Variants in NEK1 observed in about 807,000 individuals in gnomAD.
The protein encoded by NEK1 is NIMA related kinase 1.
NEK1 carries 137 observed loss-of-function variants against 182.1 expected under a neutral mutation model. That is an observed-to-expected ratio of 0.75 (90% CI 0.65 to 0.87). The LOEUF (loss-of-function observed/expected upper bound fraction) is 0.87. Among genes scored for constraint, NEK1 ranks in the 40% least tolerant of loss-of-function variants. The probability of loss-of-function intolerance (pLI) is 0.00; values close to 1 mark genes in which losing one functional copy is unlikely to be tolerated. For missense variants in NEK1, 1,391 were observed against 1,494.4 expected, an observed-to-expected ratio of 0.93 and a Z score of 1.14; for synonymous variants, 513 against 492.2, an observed-to-expected ratio of 1.04 and a Z score of -0.56.
At chr4:169,404,239 CAA>C (rs1732193914) in intron 32 of NEK1, among the ~76,000 whole-genome samples, 1 of 151,938 alleles carries the variant, frequency 6.6e-6, no homozygotes, top group South Asian at 2.1e-4. Context: ...AATAAAAACA[CAA>C]TATTTCAGTG....
chr4:169,554,977 T>C (rs1198610257), intron 18 of NEK1: 1 of 152,214 alleles, frequency 6.6e-6, no homozygotes, highest in Non-Finnish European at 1.5e-5. Context: ...TAAAGTTTAC[T>C]AATTAAACAA....
intron 4 of NEK1, among the ~76,000 whole-genome samples, chr4:169,600,255 T>C (rs1045899409): frequency 3.3e-5 from 5 of 152,128 alleles, no homozygotes; most frequent in Non-Finnish European, 5.9e-5. Context: ...AATGGCACGA[T>C]GATGGCTCAC....
intron 27 of NEK1, among the ~76,000 whole-genome samples, chr4:169,439,845 C>CTTTTTTTTTTTTTTTTT (rs33985502): frequency 1.7e-5 from 2 of 116,384 alleles, no homozygotes; most frequent in African/African-American, 3.4e-5. Context: ...GTTAGGGTAT[C>CTTTTTTTTTTTTTTTTT]TTTTTTTTTT....
intron 18 of NEK1, among the ~76,000 whole-genome samples, chr4:169,546,566 T>A (rs893138886): frequency 6.6e-6 from 1 of 152,088 alleles, no homozygotes; most frequent in Non-Finnish European, 1.5e-5. Context: ...TGATCTAATA[T>A]TGACAGTGGG....
At chr4:169,535,840 A>G (rs1355658200) in intron 19 of NEK1, among the ~76,000 whole-genome samples, 3 of 149,340 alleles carry the variant, frequency 2.0e-5, no homozygotes, top group African/African-American at 7.4e-5. Flanking sequence ...AGACTGCGCC[A>G]CTGCATTCCA....
At chr4:169,450,043 A>C (rs1741398021) in intron 27 of NEK1, among the ~76,000 whole-genome samples, 1 of 152,220 alleles carries the variant, frequency 6.6e-6, no homozygotes, top group African/African-American at 2.4e-5. Flanking sequence ...CATGAGCTTA[A>C]ATAGCTGATT....
intron 19 of NEK1, among the ~76,000 whole-genome samples, chr4:169,515,179 C>G (rs989461170): frequency 6.6e-6 from 1 of 152,008 alleles, no homozygotes; most frequent in African/African-American, 2.4e-5. Flanking sequence ...CCACTGTTCT[C>G]TATATTTGTA....
At chr4:169,536,071 G>A (rs969933136) in intron 19 of NEK1, among the ~76,000 whole-genome samples, 2 of 151,752 alleles carry the variant, frequency 1.3e-5, no homozygotes, top group Non-Finnish European at 2.9e-5. Context: ...AAGGCAGATG[G>A]ATCACCTGAG....
chr4:169,415,031 C>A (rs545096518), intron 31 of NEK1, among the ~76,000 whole-genome samples: 141 of 152,290 alleles, frequency 9.3e-4, no homozygotes, highest in Non-Finnish European at 1.8e-3. Flanking sequence ...AAGTTATCAA[C>A]CAACAACATA....
At chr4:169,431,622 A>G (rs1737455556) in intron 29 of NEK1, among the ~76,000 whole-genome samples, 1 of 152,106 alleles carries the variant, frequency 6.6e-6, no homozygotes, top group Admixed American at 6.6e-5. Context: ...AAATGTATAA[A>G]GCATCAAATA....
At chr4:169,609,722 G>A (rs991429799) in intron 2 of NEK1, among the ~76,000 whole-genome samples, 1 of 152,006 alleles carries the variant, frequency 6.6e-6, no homozygotes, top group African/African-American at 2.4e-5. Context: ...TAGTTGAAAA[G>A]ATTTTTCAAT....
intron 18 of NEK1, among the ~76,000 whole-genome samples, chr4:169,553,637 T>C (rs1049588819): frequency 1.3e-5 from 2 of 152,048 alleles, no homozygotes; most frequent in African/African-American, 2.4e-5. Flanking sequence ...AAATAAAATA[T>C]ACAAAGAACT....
In NEK1 at chr4:169,561,746, A is replaced by G. The variant is rs746370491; in HGVS notation, c.1141-9T>C. 1.3e-6 allele frequency: 2 copies of G among 1,584,620 alleles called. No individual in the cohort carries two copies. Among genetic ancestry groups the G allele is most frequent in the Non-Finnish European group, 1.7e-6 (2 of 1,163,502 alleles). ...TTCATTAAACTAATAATCTGTAACAATTTTAAAGACAAGCTTCTTACAACT... is the reference window on the plus strand; with the variant it reads ...TTCATTAAACTAATAATCTGTAACAGTTTTAAAGACAAGCTTCTTACAACT... On this transcript the variant is annotated splice_polypyrimidine_tract_variant and intron_variant, in intron 14 of 35. Coordinates refer to ENST00000507142, the MANE Select transcript of NEK1 (RefSeq NM_001199397.3).
intron 18 of NEK1, among the ~76,000 whole-genome samples, chr4:169,545,050 ATTC>A (rs1280340125): frequency 1.8e-5 from 2 of 108,440 alleles, no homozygotes; most frequent in Non-Finnish European, 4.0e-5. Context: ...TGCTTCTCTG[ATTC>A]TTTTTTTTTT....
chr4:169,482,880 C>G (rs1315951979), intron 23 of NEK1, among the ~76,000 whole-genome samples: 1 of 152,170 alleles, frequency 6.6e-6, no homozygotes, highest in Non-Finnish European at 1.5e-5. Flanking sequence ...CATGATCCAC[C>G]TGCCTCGGCC....
rs1580390306 is a variant in NEK1 at position 169,515,522 on chromosome 4, TC to T, written c.1666-6671del. Among the ~76,000 whole-genome samples the T allele has an allele frequency of 2.0e-5, 3 of 150,298 alleles. No individual in the cohort carries two copies. In the East Asian group the frequency reaches 5.9e-4, roughly 29 times the overall value. ...CTTCTTTTTTTTTTTTTTATTATAC[TC>T]TAAGTTTTAGGGTACATGTGCACAT... is the stretch of plus-strand genomic sequence containing the variant. On this transcript the variant is annotated intron_variant, in intron 19 of 35. Transcript: ENST00000507142.
chr4:169,534,674 CACTGAAGA>C (rs1165880320), intron 19 of NEK1, among the ~76,000 whole-genome samples: 1 of 151,988 alleles, frequency 6.6e-6, no homozygotes, highest in African/African-American at 2.4e-5. Context: ...GCCAAATTAG[CACTGAAGA>C]CTGTTCTGTA....
In NEK1 at chr4:169,445,849, CAT is replaced by C. The variant is rs70964204; in HGVS notation, c.2588-7592_2588-7591del. 9.1e-4 allele frequency among the ~76,000 whole-genome samples: 127 copies of C among 140,194 alleles called. 3 individuals carry two copies. The highest frequency in any genetic ancestry group is 1.8e-3 in the South Asian group (8 of 4,566). 92.0% of individuals were successfully genotyped at this position (140,194 alleles called of 152,430 possible). On this transcript the variant is annotated intron_variant, in intron 27 of 35. Transcript: ENST00000507142. ...AAACTTAAAACAAAACAACTATATA[CAT>C]ATATATATATATATACACACACACA...
chr4:169,590,695 T>C (rs371808045), intron 6 of NEK1, 31 bp downstream of exon 6: 297 of 1,491,074 alleles, frequency 2.0e-4, no homozygotes, highest in Non-Finnish European at 2.6e-4. Flanking sequence ...TCTTTATCCA[T>C]TCAGAAGTTA....
Sources: allele counts gnomAD v4.1 joint callset (sites outside exome capture counted in the v4.1 genomes callset), GRCh38; gene constraint gnomAD v4.1.1; transcripts MANE v1.5; gene names NCBI Gene and HGNC (gene_info 2026-07-23, HGNC 2026-07-21).